FLT3: variants seen among roughly 807,000 people sequenced by gnomAD.
FLT3 encodes fms related receptor tyrosine kinase 3.
A neutral mutation model predicts 126.6 loss-of-function variants in FLT3; 46 were observed. The observed-to-expected ratio is 0.36, with a 90% CI of 0.29 to 0.46. The LOEUF is 0.46. FLT3 is among the 20% of genes least tolerant of loss of function. The pLI is 1.00. For missense variants in FLT3, 1,069 were observed against 1,190.3 expected (o/e 0.90, Z 1.50); for synonymous variants, 404 against 434.4 (o/e 0.93, Z 0.87).
At chr13:28,045,765 G>A (rs993848951) in intron 9 of FLT3, among the ~76,000 whole-genome samples, 3 of 151,468 alleles carry the variant, frequency 2.0e-5, no homozygotes, top group Admixed American at 2.0e-4. Context: ...GGAGGCTGAG[G>A]CAGGAGAATT....
At chr13:28,017,665 G>GT (rs113187201) in intron 20 of FLT3, among the ~76,000 whole-genome samples, 34,065 of 135,576 alleles carry the variant, frequency 0.25, 4,740 homozygotes, top group South Asian at 0.48. Context: ...TTTTGTTGTT[G>GT]TTTTTTTTTT....
At chr13:28,076,499 G>A (rs80327094) in intron 1 of FLT3, among the ~76,000 whole-genome samples, 6,888 of 152,198 alleles carry the variant, frequency 0.045, 505 homozygotes, top group African/African-American at 0.15. Context: ...AGCCAACAAT[G>A]CAACCCCAGT....
chr13:28,004,829 C>A (rs1290276470), intron 23 of FLT3, among the ~76,000 whole-genome samples: 2 of 151,966 alleles, frequency 1.3e-5, no homozygotes, highest in Non-Finnish European at 2.9e-5. Flanking sequence ...CCCTAGAAAT[C>A]CTAAAACCAT....
intron 23 of FLT3, among the ~76,000 whole-genome samples, chr13:28,013,294 TTAAC>T (rs1871554248): frequency 6.6e-6 from 1 of 152,322 alleles, no homozygotes; most frequent in South Asian, 2.1e-4. Flanking sequence ...AGATTTATAT[TTAAC>T]TAACATTTTA....
chr13:28,040,980 A>AG (rs1874326518), intron 9 of FLT3, among the ~76,000 whole-genome samples: 1 of 150,732 alleles, frequency 6.6e-6, no homozygotes, highest in Non-Finnish European at 1.5e-5. Context: ...AAAAAAAAAA[A>AG]TGCTGAGCAT....
chr13:28,080,348 C>G (rs1367324743), intron 1 of FLT3, among the ~76,000 whole-genome samples: 1 of 152,080 alleles, frequency 6.6e-6, no homozygotes, highest in Non-Finnish European at 1.5e-5. Context: ...TGCTCTCCAG[C>G]CTTGGTGACA....
chr13:28,044,526 C>T (rs923614777), intron 9 of FLT3, among the ~76,000 whole-genome samples: 5 of 151,858 alleles, frequency 3.3e-5, no homozygotes, highest in African/African-American at 9.7e-5. Flanking sequence ...ATCCCCATCT[C>T]AACATAGAGC....
At chr13:28,019,741 C>T (rs1406621180) in intron 19 of FLT3, among the ~76,000 whole-genome samples, 1 of 152,172 alleles carries the variant, frequency 6.6e-6, no homozygotes, top group Non-Finnish European at 1.5e-5. Flanking sequence ...CTGACGGGAC[C>T]TCCCTGTGGT....
At chr13:28,091,207 CTTTTTTTTTTTTTTTTT>C (rs572410744) in intron 1 of FLT3, among the ~76,000 whole-genome samples, 6 of 36,582 alleles carry the variant, frequency 1.6e-4, no homozygotes, top group South Asian at 1.4e-3. Context: ...GCCCCATTTT[CTTTTTTTTTTTTTTTTT>C]TTTTTTTTTT....
At chr13:28,090,166 G>A (rs577000123) in intron 1 of FLT3, among the ~76,000 whole-genome samples, 9 of 151,462 alleles carry the variant, frequency 5.9e-5, no homozygotes, top group African/African-American at 1.9e-4. Flanking sequence ...TCAGCCTCCC[G>A]AGTAGCTGGG....
chr13:28,024,986 T>A, intron 17 of FLT3, 43 bp from the exon 18 acceptor site: 4 of 1,022,082 alleles, frequency 3.9e-6, no homozygotes, highest in Non-Finnish European at 6.0e-6. Flanking sequence ...ATTATTCTTC[T>A]CAGCAGACAT....
At chr13:28,093,629 G>A (rs1879268358) in intron 1 of FLT3, among the ~76,000 whole-genome samples, 1 of 151,994 alleles carries the variant, frequency 6.6e-6, no homozygotes, top group Non-Finnish European at 1.5e-5. Context: ...TATTTACCTG[G>A]AACATCCTCA....
chr13:28,004,305 G>T, intron 23 of FLT3, 131 bp from the exon 24 acceptor site: 1 of 1,007,196 alleles, frequency 9.9e-7, no homozygotes, highest in Non-Finnish European at 1.4e-6. Context: ...TTTGTTTGTT[G>T]TTTGTTTGTT....
At chr13:28,070,376 TA>T (rs1877392872) in intron 2 of FLT3, 114 bp downstream of exon 2, 1 of 814,174 alleles carries the variant, frequency 1.2e-6, no homozygotes, top group East Asian at 2.5e-5. Context: ...TGTGAGGCCA[TA>T]ATATACTTAA....
At chr13:28,067,126 G>T (rs1014465596) in intron 2 of FLT3, among the ~76,000 whole-genome samples, 1 of 152,158 alleles carries the variant, frequency 6.6e-6, no homozygotes, top group Non-Finnish European at 1.5e-5. Flanking sequence ...GGGTTCAAGC[G>T]ATTCTCCTGC....
At chr13:28,096,646 A>T (rs2137836901) in intron 1 of FLT3, among the ~76,000 whole-genome samples, 1 of 152,248 alleles carries the variant, frequency 6.6e-6, no homozygotes, top group Middle Eastern at 3.4e-3. Context: ...CATGTTGGCC[A>T]GGCTGGTCTC....
At chr13:28,030,492 C>G (rs2137662418) in intron 15 of FLT3, among the ~76,000 whole-genome samples, 1 of 152,144 alleles carries the variant, frequency 6.6e-6, no homozygotes, top group South Asian at 2.1e-4. Context: ...AAGACACAAC[C>G]CTTGTCTTCC....
chr13:28,062,030 G>T lies in FLT3; in HGVS notation c.205C>A (p.Pro69Thr). ...SPEDLGCALRPQSSGTVYEAA... is the reference protein window; with the variant it reads ...SPEDLGCALRTQSSGTVYEAA... ...TCGTACACTGTCCCTGAGCTCTGGG[G>T]TCTCAACGCACACCCGAGGTCTTCC... Residue 69 changes from proline (P) to threonine (T), a missense_variant, in exon 3 of 24, where the codon CCC becomes ACC. Transcript: ENST00000241453. 6.2e-7 allele frequency: 1 copy of T among 1,612,732 alleles called. No homozygotes were observed. Among genetic ancestry groups the T allele is most frequent in the Non-Finnish European group, 8.5e-7 (1 of 1,179,968 alleles).
chr13:28,093,584 A>T (rs1375600922), intron 1 of FLT3, among the ~76,000 whole-genome samples: 1 of 152,190 alleles, frequency 6.6e-6, no homozygotes, highest in Non-Finnish European at 1.5e-5. Flanking sequence ...ATGAAATCAT[A>T]GTTTTCCATC....
Sources: gnomAD v4.1 joint callset for allele counts (sites outside exome capture counted in the v4.1 genomes callset) on GRCh38, gnomAD v4.1.1 for gene constraint, MANE v1.5 for transcripts, NCBI Gene and HGNC (gene_info 2026-07-23, HGNC 2026-07-21) for gene names.